Variants in LMBR1L observed in about 807,000 individuals in gnomAD.
LMBR1L encodes the protein limb development membrane protein 1 like.
In LMBR1L, 47 loss-of-function variants were observed where a neutral mutation model predicts 67.3. The ratio of observed to expected loss-of-function variants is 0.70; its 90% CI spans 0.55 to 0.89. The LOEUF (loss-of-function observed/expected upper bound fraction) is 0.89, where lower values mean the gene tolerates loss of function less well. Ranked by LOEUF, LMBR1L falls within the 40% of genes least tolerant of loss-of-function variation. LMBR1L has a pLI of 0.00. For missense variants in LMBR1L, 533 were observed against 599.2 expected, an observed-to-expected ratio of 0.89 and a Z score of 1.15; for synonymous variants, 247 against 250.3, an observed-to-expected ratio of 0.99 and a Z score of 0.13.
intron 4 of LMBR1L, 76 bp downstream of exon 4, chr12:49,104,670 G>A (rs753283832): frequency 6.3e-6 from 10 of 1,595,074 alleles, no homozygotes; most frequent in South Asian, 5.5e-5. Flanking sequence ...TTGGCGCACG[G>A]CTGCCTGAGT....
In LMBR1L at chr12:49,106,945, A is replaced by C. The variant is rs750354516; in HGVS notation, c.157+16T>G. ...GGCAACAGGGACTCTAGCAGGAGGG[A>C]GGGAAATCAAAGTACCTGTGGTGAA... is the stretch of plus-strand genomic sequence containing the variant. On this transcript the variant is annotated intron_variant, in intron 2 of 16. Coordinates refer to ENST00000267102, the MANE Select transcript of LMBR1L (RefSeq NM_018113.4). The C allele has an allele frequency of 6.3e-7, 1 of 1,581,714 alleles. No homozygotes were observed. Among genetic ancestry groups the C allele is most frequent in the Non-Finnish European group, 8.7e-7 (1 of 1,150,676 alleles).
In LMBR1L at chr12:49,102,138, C is replaced by T. The variant is rs1429109850; in HGVS notation, c.912G>A (p.Leu304=). 4 of 1,614,036 alleles carry T rather than the reference C, an allele frequency of 2.5e-6. No homozygotes were observed. Among genetic ancestry groups the T allele is most frequent in the East Asian group, 4.5e-5 (2 of 44,896 alleles). ...QRNLGYPLAM[L]CLLVLTGLSV... is the part of the protein sequence containing the mutation. ...TACCTACCGTCAGCACCAGCAAGCA[C>T]AGCATAGCCAGGGGGTAGCCCAGGT... is the stretch of plus-strand genomic sequence containing the variant. Residue 304 remains leucine (L), a synonymous_variant, in exon 11 of 17, where the codon CTG becomes CTA. Coordinates refer to ENST00000267102, the MANE Select transcript of LMBR1L (RefSeq NM_018113.4).
intron 11 of LMBR1L, 91 bp downstream of exon 11, chr12:49,102,029 G>A (rs1940254965): frequency 9.0e-7 from 1 of 1,111,690 alleles, no homozygotes; most frequent in Middle Eastern, 2.0e-4. Flanking sequence ...TATTACTGAT[G>A]ATAACCAGGT....
intron 2 of LMBR1L, chr12:49,106,183 C>T: frequency 3.6e-6 from 2 of 559,852 alleles, no homozygotes; most frequent in East Asian, 5.9e-5. Context: ...ACAGGCCAGA[C>T]ATTCCTATAC....
chr12:49,110,378 C>T, intron 1 of LMBR1L, 106 bp downstream of exon 1: 1 of 1,117,188 alleles, frequency 9.0e-7, no homozygotes, highest in Non-Finnish European at 1.3e-6. Context: ...TCGCCCGCCG[C>T]TGGCCCAGGC....
chr12:49,103,927 A>T, intron 5 of LMBR1L, 114 bp from the exon 6 acceptor site: 1 of 1,178,394 alleles, frequency 8.5e-7, no homozygotes, highest in Non-Finnish European at 1.2e-6. Flanking sequence ...GGTAAGAGAG[A>T]GGGTTTTCCT....
chr12:49,099,123 A>AT (rs35643504), intron 15 of LMBR1L, among the ~76,000 whole-genome samples: 34,309 of 101,890 alleles, frequency 0.34, 6,174 homozygotes, highest in East Asian at 0.69. Flanking sequence ...CTCACAGCTG[A>AT]TTTTTTTTTT....
chr12:49,102,183 C>T lies in LMBR1L; in HGVS notation c.867G>A (p.Lys289=), dbSNP rs1940279618. 6.2e-7 allele frequency: 1 copy of T among 1,614,080 alleles called. No homozygotes were observed. Among genetic ancestry groups the T allele is most frequent in the Admixed American group, 1.7e-5 (1 of 60,002 alleles). The stretch of plus-strand genomic sequence containing the variant: ...CCAGGTTCCGTTGCCAGGCTGAAGC[C>T]TTCCGCCTCTTCTCTGTGCAGGGAT... ...TQRVLLEKRR[K]ASAWQRNLGY... Residue 289 remains lysine (K), a synonymous_variant, in exon 11 of 17, where the codon AAG becomes AAA. Transcript: ENST00000267102.
chr12:49,105,133 C>T (rs1274775882), intron 3 of LMBR1L: 15 of 503,348 alleles, frequency 3.0e-5, no homozygotes, highest in Non-Finnish European at 5.4e-5. Flanking sequence ...GGTCACCTGC[C>T]ATGTCACATA....
At chr12:49,099,933 A>G (rs1411193685) in intron 15 of LMBR1L, among the ~76,000 whole-genome samples, 2 of 152,216 alleles carry the variant, frequency 1.3e-5, no homozygotes, top group Non-Finnish European at 2.9e-5. Flanking sequence ...AAGGCAGGAG[A>G]AGGAGTGAGT....
rs140642382 is a variant in LMBR1L at position 49,104,745 on chromosome 12, C to T, written c.331+1G>A. ...CCAAGCAGCTTCCAGGAGCCACACA[C>T]CATGGATGAGGGAGCCGTTGAGCCA... On this transcript the variant is annotated splice_donor_variant, in intron 4 of 16. Coordinates refer to ENST00000267102, the MANE Select transcript of LMBR1L (RefSeq NM_018113.4). LOFTEE classifies it high-confidence loss of function. 1.2e-6 allele frequency: 2 copies of T among 1,613,350 alleles called. No homozygotes were observed. The highest frequency in any genetic ancestry group is 1.7e-6 in the Non-Finnish European group (2 of 1,179,670).
chr12:49,103,361 G>A (rs1022089208), intron 6 of LMBR1L, among the ~76,000 whole-genome samples: 3 of 152,086 alleles, frequency 2.0e-5, no homozygotes, highest in Non-Finnish European at 2.9e-5. Flanking sequence ...TAACTAAAGG[G>A]TACAACTGCT....
Position 49,110,630 on chromosome 12 carries a change from C to A in LMBR1L, c.-75G>T. Reference sequence around the variant, plus strand: ...CGAGCGGGGAGGAAGCCGCCGCCGCCAAGCACCCAGACCCAGCCTAGGGGC... The same window carrying A: ...CGAGCGGGGAGGAAGCCGCCGCCGCAAAGCACCCAGACCCAGCCTAGGGGC... On this transcript the variant is annotated 5_prime_UTR_variant, in exon 1 of 17. Transcript: ENST00000267102. 1 of 1,355,696 alleles carries A rather than the reference C, an allele frequency of 7.4e-7. No individual in the cohort carries two copies. The highest frequency in any genetic ancestry group is 1.1e-6 in the Non-Finnish European group (1 of 947,334). The allele number at this position is 1,355,696 out of a possible 1,614,324, so 84.0% of individuals were successfully genotyped here.
chr12:49,099,678 T>C (rs1939877684), intron 15 of LMBR1L, among the ~76,000 whole-genome samples: 1 of 150,264 alleles, frequency 6.7e-6, no homozygotes, highest in African/African-American at 2.5e-5. Context: ...GCCTCCCGGG[T>C]TCAAGTGATT....
rs200462548 is a variant in LMBR1L at position 49,102,895 on chromosome 12, T to A, written c.688A>T (p.Lys230Ter). Reference sequence around the variant, plus strand: ...CAAGGAATACCACATACCCGGGGCTTGACTAGCAGCTTCCCAGTGACGGAG... The same window carrying A: ...CAAGGAATACCACATACCCGGGGCTAGACTAGCAGCTTCCCAGTGACGGAG... ...MFSVTGKLLV[K>*]PRLLEDLEEQ... The change falls in exon 8 of 17, where the codon AAG (lysine) becomes TAG (stop). Residue 230 changes from lysine to a stop codon, truncating the protein, a stop_gained. Coordinates refer to ENST00000267102, the MANE Select transcript of LMBR1L (RefSeq NM_018113.4). LOFTEE classifies it high-confidence loss of function. 6.2e-7 allele frequency: 1 copy of A among 1,614,106 alleles called. No individual in the cohort carries two copies. The highest frequency in any genetic ancestry group is 8.5e-7 in the Non-Finnish European group (1 of 1,179,980).
rs1940681877 is a variant in LMBR1L at position 49,104,764 on chromosome 12, T to C, written c.313A>G (p.Asn105Asp). Reference sequence around the variant, plus strand: ...CACACACCATGGATGAGGGAGCCGTTGAGCCACTGGATGTAGTAGTTCCGA... The same window carrying C: ...CACACACCATGGATGAGGGAGCCGTCGAGCCACTGGATGTAGTAGTTCCGA... The part of the protein sequence containing the change: ...LPRNYYIQWL[N>D]GSLIHGLWNL... Residue 105 changes from asparagine to aspartate, a missense_variant, in exon 4 of 17, where the codon AAC becomes GAC. Coordinates refer to ENST00000267102, the MANE Select transcript of LMBR1L (RefSeq NM_018113.4). 1.9e-6 allele frequency: 3 copies of C among 1,613,646 alleles called. No individual in the cohort carries two copies. The highest frequency in any genetic ancestry group is 1.3e-5 in the African/African-American group (1 of 75,016).
intron 5 of LMBR1L, 139 bp from the exon 6 acceptor site, chr12:49,103,952 T>C (rs889832859): frequency 2.2e-6 from 2 of 895,782 alleles, no homozygotes; most frequent in Non-Finnish European, 3.3e-6. Flanking sequence ...TTCTGCTAAG[T>C]TGCTCTGTCT....
chr12:49,104,626 A>C lies in LMBR1L; in HGVS notation c.332-75T>G. ...CCACAGGAGACTGACCATTTGCAGG[A>C]GAAGCAGAGTGGGAAGGTGCGACAT... On this transcript the variant is annotated intron_variant, in intron 4 of 16. Coordinates refer to ENST00000267102, the MANE Select transcript of LMBR1L (RefSeq NM_018113.4). 19 of 1,564,244 alleles carry C rather than the reference A, an allele frequency of 1.2e-5. No homozygotes were observed. The South Asian group carries it at 1.9e-4, about 16-fold the overall frequency.
At chr12:49,109,948 A>G in intron 1 of LMBR1L, 1 of 431,254 alleles carries the variant, frequency 2.3e-6, no homozygotes, top group East Asian at 7.1e-5. Flanking sequence ...GTTGTTCCTC[A>G]TCTCTACATA....
Sources: allele counts gnomAD v4.1 joint callset (sites outside exome capture counted in the v4.1 genomes callset), GRCh38; gene constraint gnomAD v4.1.1; transcripts MANE v1.5; gene names NCBI Gene and HGNC (gene_info 2026-07-23, HGNC 2026-07-21).